Variants in GRIN2A observed in about 807,000 individuals in gnomAD.
The protein encoded by GRIN2A is glutamate ionotropic receptor NMDA type subunit 2A, also known as glutamate receptor ionotropic, NMDA 2A.
Under a neutral mutation model 113.4 loss-of-function variants are expected in GRIN2A, and 22 were observed. The observed-to-expected ratio is 0.19, with a 90% CI of 0.14 to 0.28. The LOEUF (loss-of-function observed/expected upper bound fraction) is 0.28, where lower values mean the gene tolerates loss of function less well. GRIN2A is among the 10% of genes least tolerant of loss of function. The probability of loss-of-function intolerance (pLI) is 1.00; values close to 1 mark genes in which losing one functional copy is unlikely to be tolerated. For missense variants in GRIN2A, 1,502 were observed against 1,887.0 expected (o/e 0.80, Z 3.78); for synonymous variants, 827 against 738.4 (o/e 1.12, Z -1.94).
At chr16:9,810,412 A>G (rs2042064203) in intron 10 of GRIN2A, among the ~76,000 whole-genome samples, 1 of 152,184 alleles carries the variant, frequency 6.6e-6, no homozygotes, top group Non-Finnish European at 1.5e-5. Flanking sequence ...CTCCAAATTC[A>G]TGTACACCTG....
In GRIN2A at chr16:10,033,244, G is replaced by C. The variant is rs187714898; in HGVS notation, c.415-94693C>G. On this transcript the variant is annotated intron_variant, in intron 2 of 12. Coordinates refer to ENST00000330684, the MANE Select transcript of GRIN2A (RefSeq NM_001134407.3). The stretch of plus-strand genomic sequence containing the variant: ...TACAGAGTGAGGCTTTGGCCAAATA[G>C]GTCTGGGTTCAAATCATTCATTCAT... Among the ~76,000 whole-genome samples the C allele has an allele frequency of 1.2e-4, 18 of 152,322 alleles. 1 individual carries two copies. The highest frequency in any genetic ancestry group is 6.5e-4 in the Admixed American group (10 of 15,310).
chr16:9,970,518 G>C (rs2045649487), intron 2 of GRIN2A, among the ~76,000 whole-genome samples: 3 of 152,190 alleles, frequency 2.0e-5, no homozygotes, highest in African/African-American at 7.2e-5. Flanking sequence ...CTAAGGAAAA[G>C]AGGCCTTGAG....
rs561069490 is a variant in GRIN2A at position 10,167,974 on chromosome 16, G to A, written c.414+12024C>T. 2.0e-5 allele frequency among the ~76,000 whole-genome samples: 3 copies of A among 152,266 alleles called. No homozygotes were observed. The South Asian group carries it at 6.2e-4, about 32-fold the overall frequency. On this transcript the variant is annotated intron_variant, in intron 2 of 12. Coordinates refer to ENST00000330684, the MANE Select transcript of GRIN2A (RefSeq NM_001134407.3). ...AATTTGTCAACTGAAAAACCAGAGA[G>A]GAGTCTGGCTGGCTCTTTAGAATAC...
intron 2 of GRIN2A, among the ~76,000 whole-genome samples, chr16:9,989,605 C>T (rs1241707842): frequency 6.6e-6 from 1 of 151,902 alleles, no homozygotes; most frequent in African/African-American, 2.4e-5. Flanking sequence ...AATAGACAAC[C>T]TACAGAATGG....
chr16:10,067,984 G>C (rs28581562), intron 2 of GRIN2A, among the ~76,000 whole-genome samples: 1 of 152,174 alleles, frequency 6.6e-6, no homozygotes, highest in Non-Finnish European at 1.5e-5. Context: ...TGTGGAACTT[G>C]GGCAGGTTAA....
chr16:9,826,944 A>C (rs2042398662), intron 9 of GRIN2A, among the ~76,000 whole-genome samples: 1 of 152,140 alleles, frequency 6.6e-6, no homozygotes, highest in Admixed American at 6.5e-5. Flanking sequence ...GCTGCCAACC[A>C]CTTTCTTGAA....
chr16:10,160,602 G>A (rs898481218), intron 2 of GRIN2A, among the ~76,000 whole-genome samples: 1 of 152,306 alleles, frequency 6.6e-6, no homozygotes, highest in East Asian at 1.9e-4. Flanking sequence ...TGCTTGGAGG[G>A]CATCAGAGAC....
At chr16:10,084,266 T>A (rs1487710984) in intron 2 of GRIN2A, among the ~76,000 whole-genome samples, 1 of 152,234 alleles carries the variant, frequency 6.6e-6, no homozygotes, top group Non-Finnish European at 1.5e-5. Flanking sequence ...GCCCCTTGAA[T>A]ACAAAACAGG....
intron 7 of GRIN2A, among the ~76,000 whole-genome samples, chr16:9,839,711 C>A (rs894741807): frequency 1.3e-5 from 2 of 152,096 alleles, no homozygotes; most frequent in African/African-American, 4.8e-5. Flanking sequence ...TAAATGTTTT[C>A]AATATTCTAA....
intron 2 of GRIN2A, among the ~76,000 whole-genome samples, chr16:9,940,953 C>T (rs991487618): frequency 6.6e-5 from 10 of 152,180 alleles, no homozygotes; most frequent in African/African-American, 2.2e-4. Flanking sequence ...TCGCCAACCT[C>T]ACACACTGTG....
At chr16:9,849,510 T>C (rs2042841107) in intron 5 of GRIN2A, among the ~76,000 whole-genome samples, 1 of 152,078 alleles carries the variant, frequency 6.6e-6, no homozygotes, top group African/African-American at 2.4e-5. Context: ...AACTCGGTTT[T>C]ATCATATTTA....
intron 2 of GRIN2A, among the ~76,000 whole-genome samples, chr16:10,152,563 C>T (rs1439806197): frequency 6.6e-6 from 1 of 152,162 alleles, no homozygotes; most frequent in Non-Finnish European, 1.5e-5. Context: ...GGAGCCTCAG[C>T]TGATTTTTCT....
rs181128239 is a variant in GRIN2A, at chr16:9,787,044, T to A, written c.2356+11233A>T. ...ATCACATGACAGATAAAGGAGGAAG[T>A]CAAAATATTTTACCTCCAAATATGT... On this transcript the variant is annotated intron_variant, in intron 11 of 12. Coordinates refer to ENST00000330684, the MANE Select transcript of GRIN2A (RefSeq NM_001134407.3). 7.9e-5 allele frequency among the ~76,000 whole-genome samples: 12 copies of A among 152,282 alleles called. No homozygotes were observed. The East Asian group carries it at 2.3e-3, about 29-fold the overall frequency.
chr16:10,030,482 C>T (rs1040503833), intron 2 of GRIN2A, among the ~76,000 whole-genome samples: 7 of 152,144 alleles, frequency 4.6e-5, no homozygotes, highest in African/African-American at 1.4e-4. Flanking sequence ...TGGTTTTGGT[C>T]TCCTGCCTGC....
intron 11 of GRIN2A, among the ~76,000 whole-genome samples, chr16:9,788,189 C>T (rs1902351287): frequency 6.6e-6 from 1 of 152,152 alleles, no homozygotes; most frequent in African/African-American, 2.4e-5. Context: ...CTTTGCCTCT[C>T]TCTCCCTTTA....
At chr16:10,149,099 A>C (rs1596554601) in intron 2 of GRIN2A, among the ~76,000 whole-genome samples, 1 of 152,206 alleles carries the variant, frequency 6.6e-6, no homozygotes, top group African/African-American at 2.4e-5. Context: ...GAGGGCAGGG[A>C]ATAGGGATGG....
chr16:9,820,762 C>T (rs2042266961), intron 10 of GRIN2A, among the ~76,000 whole-genome samples: 1 of 151,998 alleles, frequency 6.6e-6, no homozygotes. Flanking sequence ...GGGCGGGGTT[C>T]CAGGGAGTGA....
In GRIN2A at chr16:9,757,753, A is replaced by T; in HGVS notation, c.*5396T>A. On this transcript the variant is annotated 3_prime_UTR_variant, in exon 13 of 13. Coordinates refer to ENST00000330684, the MANE Select transcript of GRIN2A (RefSeq NM_001134407.3). ...ACAATATCCCTGTTGATTTTTCCTA[A>T]GGAGACGGTCTCTGAGAAAAGTTTT... is the stretch of plus-strand genomic sequence containing the variant. 4.6e-6 allele frequency: 1 copy of T among 217,792 alleles called. No homozygotes were observed. The highest frequency in any genetic ancestry group is 1.9e-4 in the South Asian group (1 of 5,390). The allele number at this position is 217,792 out of a possible 1,614,324, so 13.5% of individuals were successfully genotyped here.
At chr16:9,872,891 A>G (rs1483146713) in intron 4 of GRIN2A, among the ~76,000 whole-genome samples, 1 of 151,908 alleles carries the variant, frequency 6.6e-6, no homozygotes, top group Admixed American at 6.6e-5. Context: ...ATAAAAACAA[A>G]AAAACTAGCC....
Sources: gnomAD v4.1 joint callset for allele counts (sites outside exome capture counted in the v4.1 genomes callset) on GRCh38, gnomAD v4.1.1 for gene constraint, MANE v1.5 for transcripts, NCBI Gene and HGNC (gene_info 2026-07-23, HGNC 2026-07-21) for gene names.